Variants in TTLL8 observed in about 807,000 individuals in gnomAD.
TTLL8 encodes protein monoglycylase TTLL8.
A neutral mutation model predicts 77.8 loss-of-function variants in TTLL8; 65 were observed. The ratio of observed to expected loss-of-function variants is 0.84; its 90% CI spans 0.68 to 1.03. The LOEUF (loss-of-function observed/expected upper bound fraction) is 1.03, where lower values mean the gene tolerates loss of function less well. Among genes scored for constraint, TTLL8 ranks in the 50% least tolerant of loss-of-function variants. TTLL8 has a pLI of 0.00. For synonymous variants in TTLL8, 402 were observed against 422.8 expected, an observed-to-expected ratio of 0.95 and a Z score of 0.60; for missense variants, 910 against 1,004.5, an observed-to-expected ratio of 0.91 and a Z score of 1.27.
chr22:50,045,293 C>T (rs1391798728), exon 6 of TTLL8: 1 of 1,362,252 alleles, frequency 7.3e-7, no homozygotes, highest in Admixed American at 1.9e-5. Context: ...GGCCTCCTCC[C>T]TCTGGTCCCT....
At chr22:50,057,931 G>C (rs553484261), upstream of TTLL8, among the ~76,000 whole-genome samples, 22 of 151,958 alleles carry the variant, frequency 1.4e-4, no homozygotes, top group African/African-American at 5.1e-4. Context: ...GTAGAGTTGG[G>C]CAGGTTTAGT....
intron 12 of TTLL8, among the ~76,000 whole-genome samples, chr22:50,027,102 G>A (rs910615777): frequency 6.6e-6 from 1 of 152,144 alleles, no homozygotes; most frequent in East Asian, 1.9e-4. Flanking sequence ...TGGGCGTGGT[G>A]GTGCGCGCCT....
At chr22:50,055,717 G>T (rs2061467326), upstream of TTLL8, among the ~76,000 whole-genome samples, 1 of 151,908 alleles carries the variant, frequency 6.6e-6, no homozygotes, top group African/African-American at 2.4e-5. Flanking sequence ...ATATTCTGAG[G>T]GGTGCTATCC....
intron 5 of TTLL8, among the ~76,000 whole-genome samples, chr22:50,045,630 C>A (rs920769356): frequency 1.3e-5 from 2 of 152,192 alleles, no homozygotes; most frequent in African/African-American, 2.4e-5. Flanking sequence ...CCCAGCTGCT[C>A]GCCGCGCTGT....
intron 12 of TTLL8, among the ~76,000 whole-genome samples, chr22:50,026,502 C>T (rs1290404340): frequency 1.3e-5 from 2 of 151,540 alleles, no homozygotes; most frequent in Admixed American, 6.6e-5. Context: ...GAAATACACC[C>T]GCCATTCTGC....
At chr22:50,057,389 T>TTG (rs2061479434), upstream of TTLL8, among the ~76,000 whole-genome samples, 1 of 23,208 alleles carries the variant, frequency 4.3e-5, no homozygotes, top group African/African-American at 2.7e-4. Flanking sequence ...AGGTCTGGGT[T>TTG]GGGGTCAGGT....
At position 50,041,452 on chromosome 22, in the gene TTLL8, A is replaced by G; in HGVS notation, c.830+169T>C. On this transcript the variant is annotated intron_variant, in intron 7 of 13. Coordinates refer to ENST00000266182, the Ensembl canonical transcript of TTLL8. The surrounding 1 kb of genome is among the most constrained non-coding windows in gnomAD (Gnocchi z 4.3). Reference sequence around the variant, plus strand: ...ACAATACTCAACAAGCATCCCAGACATCCAGACAGGAGCCCCAACGCCAGG... The same window carrying G: ...ACAATACTCAACAAGCATCCCAGACGTCCAGACAGGAGCCCCAACGCCAGG... The G allele has an allele frequency of 1.1e-6, 1 of 931,194 alleles. No homozygotes were observed. Among genetic ancestry groups the G allele is most frequent in the Non-Finnish European group, 1.3e-6 (1 of 780,660 alleles). 57.7% of individuals were successfully genotyped at this position (931,194 alleles called of 1,614,324 possible).
intron 12 of TTLL8, among the ~76,000 whole-genome samples, chr22:50,020,921 A>ATG (rs200344193): frequency 2.4e-5 from 3 of 127,000 alleles, no homozygotes; most frequent in African/African-American, 6.1e-5. Context: ...CCTCCATCTG[A>ATG]ATGTGTACTC....
chr22:50,052,982 G>A (rs542075209), intron 1 of TTLL8, among the ~76,000 whole-genome samples: 1 of 152,302 alleles, frequency 6.6e-6, no homozygotes, highest in South Asian at 2.1e-4. Flanking sequence ...AGCACTGTGG[G>A]AGGCCGAGGT....
chr22:50,057,885 G>A (rs1232085999), upstream of TTLL8, among the ~76,000 whole-genome samples: 2 of 151,940 alleles, frequency 1.3e-5, no homozygotes, highest in East Asian at 1.9e-4. Flanking sequence ...GGAAGGTGGG[G>A]AGAACAGCTC....
chr22:50,031,147 G>A (rs1399823150), intron 11 of TTLL8, among the ~76,000 whole-genome samples: 1 of 152,148 alleles, frequency 6.6e-6, no homozygotes, highest in Non-Finnish European at 1.5e-5. Context: ...GTCAGCCTGG[G>A]GGGCCCCACA....
At chr22:50,030,519 G>A in exon 12 of TTLL8, 2 of 1,335,678 alleles carry the variant, frequency 1.5e-6, no homozygotes, top group Non-Finnish European at 2.0e-6. Flanking sequence ...TAGCTGGTTT[G>A]GATCCCAGCT....
At chr22:50,050,669 C>T (rs1489870919) in intron 1 of TTLL8, among the ~76,000 whole-genome samples, 5 of 152,114 alleles carry the variant, frequency 3.3e-5, no homozygotes, top group African/African-American at 1.2e-4. Context: ...CCACCCAGCC[C>T]TAGGAGTTAA....
chr22:50,056,977 G>A, upstream of TTLL8: 1 of 1,289,552 alleles, frequency 7.8e-7, no homozygotes. This position sits in a 1 kb window ranked among gnomAD's most constrained non-coding sequence, Gnocchi z 4.1. Flanking sequence ...CTGACCCCTA[G>A]AGGAGAGGGT....
At chr22:50,052,247 G>C (rs2061448040) in intron 1 of TTLL8, among the ~76,000 whole-genome samples, 1 of 152,166 alleles carries the variant, frequency 6.6e-6, no homozygotes, top group Non-Finnish European at 1.5e-5. Flanking sequence ...GTCCGCAAGA[G>C]GGCTGGCACC....
chr22:50,035,233 G>A (rs899896403), intron 8 of TTLL8, among the ~76,000 whole-genome samples: 3 of 152,212 alleles, frequency 2.0e-5, no homozygotes, highest in Non-Finnish European at 2.9e-5. Flanking sequence ...CTGACAAGGT[G>A]GCTGCAGCAC....
intron 9 of TTLL8, 90 bp from the exon 11 acceptor site, chr22:50,033,535 C>T (rs1392875261): frequency 8.6e-7 from 1 of 1,167,878 alleles, no homozygotes; most frequent in Non-Finnish European, 1.1e-6. Flanking sequence ...CGCAGCTTGG[C>T]CCTGAGACCT....
At chr22:50,040,983 T>C (rs1298097338) in intron 8 of TTLL8, among the ~76,000 whole-genome samples, 1 of 152,066 alleles carries the variant, frequency 6.6e-6, no homozygotes, top group African/African-American at 2.4e-5. Context: ...CAAATGGTGA[T>C]GATGAGAGTC....
intron 12 of TTLL8, among the ~76,000 whole-genome samples, chr22:50,021,145 G>A (rs192168738): frequency 7.3e-6 from 1 of 137,666 alleles, no homozygotes; most frequent in Non-Finnish European, 1.5e-5. Flanking sequence ...ATCTGATGAT[G>A]TGTACTCCTC....
Sources: allele counts gnomAD v4.1 joint callset (sites outside exome capture counted in the v4.1 genomes callset), GRCh38; gene constraint gnomAD v4.1.1; non-coding constraint Gnocchi (gnomAD v3.1); transcripts MANE v1.5; gene names NCBI Gene and HGNC (gene_info 2026-07-23, HGNC 2026-07-21).